RIMBP2: variants seen among roughly 807,000 people sequenced by gnomAD.
RIMBP2 encodes the protein RIMS-binding protein 2.
A neutral mutation model predicts 118.6 loss-of-function variants in RIMBP2; 48 were observed. That is an observed-to-expected ratio of 0.40 (90% CI 0.32 to 0.51). RIMBP2 has a LOEUF of 0.51. RIMBP2 is among the 20% of genes least tolerant of loss of function. RIMBP2 has a pLI of 0.41. For synonymous variants in RIMBP2, 762 were observed against 742.9 expected (o/e 1.03, Z -0.42); for missense variants, 1,551 against 1,768.3 (o/e 0.88, Z 2.20).
chr12:130,696,852 A>C (rs1353391146), intron 1 of RIMBP2, among the ~76,000 whole-genome samples: 2 of 152,218 alleles, frequency 1.3e-5, no homozygotes, highest in African/African-American at 4.8e-5. Context: ...GTCAGAGAAA[A>C]GGCAGCATTC....
intron 6 of RIMBP2, among the ~76,000 whole-genome samples, chr12:130,461,861 TCCTTCATAAATCA>T (rs1327525508): frequency 3.1e-4 from 47 of 152,276 alleles, no homozygotes; most frequent in Non-Finnish European, 5.4e-4. Flanking sequence ...AGCCAGTGAC[TCCTTCATAAATCA>T]CCTTCATAAA....
rs557232833 is a variant in RIMBP2, at chr12:130,516,403, C to T, written c.-127+1425G>A. 1.3e-4 allele frequency among the ~76,000 whole-genome samples: 20 copies of T among 152,326 alleles called. No homozygotes were observed. In the South Asian group the frequency reaches 3.9e-3, roughly 30 times the overall value. ...GGAGAGACAGTCATGGATGTAACAG[C>T]AAAGCTCTCTGCAATCCCAAGCCCA... On this transcript the variant is annotated intron_variant, in intron 3 of 22. Coordinates refer to ENST00000690449, the MANE Select transcript of RIMBP2 (RefSeq NM_001393629.1).
At chr12:130,680,064 T>A (rs2064703664) in intron 1 of RIMBP2, among the ~76,000 whole-genome samples, 1 of 152,218 alleles carries the variant, frequency 6.6e-6, no homozygotes, top group Non-Finnish European at 1.5e-5. Flanking sequence ...GCAGGCAGTG[T>A]GTTCACCCAC....
intron 2 of RIMBP2, among the ~76,000 whole-genome samples, chr12:130,590,053 A>G (rs1264712832): frequency 6.6e-6 from 1 of 152,208 alleles, no homozygotes; most frequent in Non-Finnish European, 1.5e-5. Context: ...ATACAAATCT[A>G]CTAAGAATTC....
chr12:130,693,991 G>A (rs1399515057), intron 1 of RIMBP2, among the ~76,000 whole-genome samples: 1 of 152,222 alleles, frequency 6.6e-6, no homozygotes, highest in Non-Finnish European at 1.5e-5. Context: ...AGTGGAGCCT[G>A]CACACCAGGA....
chr12:130,558,522 G>A (rs1051020105), intron 2 of RIMBP2, among the ~76,000 whole-genome samples: 1 of 152,126 alleles, frequency 6.6e-6, no homozygotes, highest in Non-Finnish European at 1.5e-5. Flanking sequence ...CTAAGGGTAC[G>A]TCAGCAGCCG....
intron 12 of RIMBP2, 147 bp downstream of exon 12, chr12:130,438,218 C>G: frequency 1.2e-6 from 1 of 836,566 alleles, no homozygotes; most frequent in Non-Finnish European, 1.9e-6. Context: ...CTGGGGTTCA[C>G]GCTGATGGAG....
intron 19 of RIMBP2, among the ~76,000 whole-genome samples, chr12:130,410,271 C>T (rs1043704383): frequency 6.6e-5 from 10 of 152,188 alleles, no homozygotes; most frequent in Admixed American, 6.5e-4. Context: ...TTTGTGTATT[C>T]TGAATGCAAA....
At chr12:130,549,699 T>C (rs1310035254) in intron 2 of RIMBP2, among the ~76,000 whole-genome samples, 2 of 152,250 alleles carry the variant, frequency 1.3e-5, no homozygotes, top group African/African-American at 4.8e-5. Flanking sequence ...CATTCTCTTT[T>C]ATGGCTGCAT....
At chr12:130,626,642 A>C (rs879658774) in intron 2 of RIMBP2, among the ~76,000 whole-genome samples, 36 of 115,978 alleles carry the variant, frequency 3.1e-4, no homozygotes, top group South Asian at 5.7e-4. Context: ...GCATCACCAC[A>C]ATCTCCTCCA....
Position 130,511,618 on chromosome 12 carries a change from C to T in RIMBP2, c.-126-4848G>A, listed in dbSNP as rs941485082. 1.3e-5 allele frequency among the ~76,000 whole-genome samples: 2 copies of T among 152,230 alleles called. No individual in the cohort carries two copies. Among genetic ancestry groups the T allele is most frequent in the African/African-American group, 4.8e-5 (2 of 41,458 alleles). ...CTCCTTAAGAATGCTTAGCAACCCT[C>T]AATTGCTTTTGGAGTATGCGCCATC... On this transcript the variant is annotated intron_variant, in intron 3 of 22. Transcript: ENST00000690449. The surrounding 1 kb of genome is among the most constrained non-coding windows in gnomAD (Gnocchi z 4.3).
chr12:130,582,963 T>A (rs1055381859), intron 2 of RIMBP2, among the ~76,000 whole-genome samples: 5 of 152,224 alleles, frequency 3.3e-5, no homozygotes, highest in African/African-American at 1.2e-4. Context: ...AACAGGTATT[T>A]GTTAACGTCC....
chr12:130,570,617 G>A (rs938292602), intron 2 of RIMBP2, among the ~76,000 whole-genome samples: 1 of 152,110 alleles, frequency 6.6e-6, no homozygotes, highest in African/African-American at 2.4e-5. Context: ...TGTGGCTGTG[G>A]ACGAGTCGTC....
intron 3 of RIMBP2, among the ~76,000 whole-genome samples, chr12:130,516,206 A>G (rs1428356514): frequency 5.3e-5 from 8 of 152,258 alleles, no homozygotes; most frequent in Non-Finnish European, 7.3e-5. Context: ...CCAGACAGGA[A>G]GGCAAGAAAA....
In RIMBP2 at chr12:130,424,782, C is replaced by G. The variant is rs1272315973; in HGVS notation, c.2489G>C (p.Arg830Thr). 1 of 1,232,944 alleles carries G rather than the reference C, an allele frequency of 8.1e-7. No individual in the cohort carries two copies. Among genetic ancestry groups the G allele is most frequent in the Non-Finnish European group, 1.0e-6 (1 of 988,626 alleles). 76.4% of individuals were successfully genotyped at this position (1,232,944 alleles called of 1,614,324 possible). Residue 830 changes from arginine (R) to threonine (T), a missense_variant, in exon 16 of 23, where the codon AGA (arginine) becomes ACA (threonine). Transcript: ENST00000690449. The surrounding 1 kb of genome is among the most constrained non-coding windows in gnomAD (Gnocchi z 9.8). ...PEFPHQPHRK[R>T]LFSIPEVAEE... ...CGCTACTTCGGGGATACTGAAAAGT[C>G]TCTTCCTGTGGGGCTGGTGGGGAAA... is the stretch of plus-strand genomic sequence containing the variant.
intron 14 of RIMBP2, 89 bp from the exon 15 acceptor site, chr12:130,428,426 T>A: frequency 7.2e-7 from 1 of 1,388,262 alleles, no homozygotes; most frequent in Non-Finnish European, 9.8e-7. Context: ...CTTTCCCTGC[T>A]TCGCTGACTC....
intron 12 of RIMBP2, 27 bp downstream of exon 12, chr12:130,438,338 C>CAA: frequency 5.5e-6 from 7 of 1,266,802 alleles, no homozygotes; most frequent in Non-Finnish European, 8.0e-6. Context: ...CTAACAAACC[C>CAA]TCCCCACCCA....
intron 2 of RIMBP2, among the ~76,000 whole-genome samples, chr12:130,616,591 G>A (rs528705441): frequency 6.6e-6 from 1 of 152,324 alleles, no homozygotes; most frequent in Admixed American, 6.5e-5. Context: ...CATGTCTACT[G>A]GGCGCCCAAA....
rs1206898264 is a variant in RIMBP2, at chr12:130,396,724, A to AATG, written c.*634_*636dup. 1 of 152,584 alleles carries AATG rather than the reference A, an allele frequency of 6.6e-6. No homozygotes were observed. Among genetic ancestry groups the AATG allele is most frequent in the East Asian group, 1.9e-4 (1 of 5,198 alleles). The allele number at this position is 152,584 out of a possible 1,614,324, so 9.5% of individuals were successfully genotyped here. ...ACTTTCTCTCCTTTTCTCTTTTTTG[A>AATG]ATGATTGAGTAAACATTTTCTGTGT... On this transcript the variant is annotated 3_prime_UTR_variant, in exon 23 of 23. Transcript: ENST00000690449.
Sources: allele counts gnomAD v4.1 joint callset (sites outside exome capture counted in the v4.1 genomes callset), GRCh38; gene constraint gnomAD v4.1.1; non-coding constraint Gnocchi (gnomAD v3.1); transcripts MANE v1.5; gene names NCBI Gene and HGNC (gene_info 2026-07-23, HGNC 2026-07-21).